TRPC6: variants seen among roughly 807,000 people sequenced by gnomAD.
TRPC6 encodes the protein short transient receptor potential channel 6.
Under a neutral mutation model 90.7 loss-of-function variants are expected in TRPC6, and 55 were observed. The ratio of observed to expected loss-of-function variants is 0.61; its 90% CI spans 0.49 to 0.76. TRPC6 has a LOEUF of 0.76. Ranked by LOEUF, TRPC6 falls within the 30% of genes least tolerant of loss-of-function variation. The pLI, the probability that TRPC6 is intolerant of heterozygous loss-of-function variation, is 0.00. For synonymous variants in TRPC6, 393 were observed against 393.0 expected (o/e 1.00, Z 0.00); for missense variants, 989 against 1,122.7 (o/e 0.88, Z 1.70).
chr11:101,522,716 C>T (rs1483207209), intron 1 of TRPC6, among the ~76,000 whole-genome samples: 6 of 152,028 alleles, frequency 3.9e-5, no homozygotes, highest in Non-Finnish European at 5.9e-5. Context: ...CAAAATATTC[C>T]CAGTGCATAA....
intron 1 of TRPC6, among the ~76,000 whole-genome samples, chr11:101,546,746 A>C (rs1861315992): frequency 6.6e-6 from 1 of 152,204 alleles, no homozygotes; most frequent in African/African-American, 2.4e-5. Context: ...ATGAAATTTA[A>C]CTTCTATTCA....
chr11:101,481,358 C>A (rs141857140), intron 5 of TRPC6, among the ~76,000 whole-genome samples: 30 of 152,268 alleles, frequency 2.0e-4, no homozygotes, highest in Non-Finnish European at 3.7e-4. Context: ...TATGCATAGT[C>A]AGGGCCTTAA....
chr11:101,537,212 C>G (rs879854260), intron 1 of TRPC6, among the ~76,000 whole-genome samples: 7 of 152,206 alleles, frequency 4.6e-5, no homozygotes, highest in Non-Finnish European at 1.0e-4. Context: ...ACATTAACCT[C>G]TTTTATATTA....
intron 1 of TRPC6, among the ~76,000 whole-genome samples, chr11:101,550,090 T>C (rs1383068141): frequency 2.0e-5 from 3 of 151,748 alleles, no homozygotes; most frequent in Admixed American, 2.0e-4. Flanking sequence ...GCTTTGGAAA[T>C]TATTACTGAT....
chr11:101,505,306 G>C (rs868566130), intron 1 of TRPC6, among the ~76,000 whole-genome samples: 13 of 152,246 alleles, frequency 8.5e-5, no homozygotes, highest in Non-Finnish European at 1.5e-4. Context: ...GCTTTTTCCT[G>C]CCTCTACAAG....
intron 1 of TRPC6, among the ~76,000 whole-genome samples, chr11:101,547,654 A>C (rs1452133303): frequency 6.6e-6 from 1 of 152,204 alleles, no homozygotes; most frequent in East Asian, 1.9e-4. Context: ...AGTTATCAGA[A>C]ATTTTGTGTA....
At chr11:101,559,284 A>T (rs61700184) in intron 1 of TRPC6, among the ~76,000 whole-genome samples, 4,463 of 152,284 alleles carry the variant, frequency 0.029, 218 homozygotes, top group African/African-American at 0.088. Context: ...GAGCTAGTCT[A>T]TTCAGTGATT....
At chr11:101,535,129 G>A (rs371085588) in intron 1 of TRPC6, among the ~76,000 whole-genome samples, 4 of 150,976 alleles carry the variant, frequency 2.6e-5, no homozygotes, top group African/African-American at 9.7e-5. Flanking sequence ...TCACACCACT[G>A]TACTCCAGCT....
chr11:101,562,449 T>TC (rs1861734934), intron 1 of TRPC6, among the ~76,000 whole-genome samples: 1 of 152,146 alleles, frequency 6.6e-6, no homozygotes, highest in Non-Finnish European at 1.5e-5. Flanking sequence ...AATCCCATGT[T>TC]TTAAAATTCT....
Position 101,506,652 on chromosome 11 carries a change from C to T in TRPC6, c.171-1854G>A, listed in dbSNP as rs186441768. ...AAGTTTCGAAAATGACATGAAGGGC[C>T]GATATCAAGTTATACAACCTAATAA... On this transcript the variant is annotated intron_variant, in intron 1 of 12. Coordinates refer to ENST00000344327, the MANE Select transcript of TRPC6 (RefSeq NM_004621.6). Among the ~76,000 whole-genome samples, 136 of 151,926 alleles carry T rather than the reference C, an allele frequency of 9.0e-4. 1 individual carries two copies. Among genetic ancestry groups the T allele is most frequent in the Non-Finnish European group, 1.6e-3 (109 of 67,984 alleles).
chr11:101,466,879 C>G (rs1859158994), intron 10 of TRPC6, among the ~76,000 whole-genome samples: 1 of 152,240 alleles, frequency 6.6e-6, no homozygotes, highest in Non-Finnish European at 1.5e-5. Flanking sequence ...ATCTCCTGGT[C>G]TGTGAGTTGC....
intron 12 of TRPC6, among the ~76,000 whole-genome samples, chr11:101,453,338 C>A (rs1858806943): frequency 6.6e-6 from 1 of 152,100 alleles, no homozygotes; most frequent in African/African-American, 2.4e-5. Flanking sequence ...TAAGTTAAAA[C>A]AAAAAGGTGG....
chr11:101,454,830 TA>T (rs1309448882), intron 11 of TRPC6, among the ~76,000 whole-genome samples, 187 bp downstream of exon 11: 1 of 129,038 alleles, frequency 7.7e-6, no homozygotes, highest in Non-Finnish European at 1.6e-5. Flanking sequence ...TCCAATACTT[TA>T]TTTTTTTTAA....
intron 1 of TRPC6, among the ~76,000 whole-genome samples, chr11:101,549,049 C>T (rs115878166): frequency 1.3e-5 from 2 of 151,676 alleles, no homozygotes; most frequent in Non-Finnish European, 2.9e-5. Flanking sequence ...TCAAATATCA[C>T]TTTTTAAAAT....
intron 9 of TRPC6, among the ~76,000 whole-genome samples, chr11:101,470,833 C>T (rs1421685137): frequency 8.0e-6 from 1 of 124,886 alleles, no homozygotes; most frequent in East Asian, 3.0e-4. Flanking sequence ...CGAGTCATAA[C>T]AAGCTGCTGC....
chr11:101,558,182 T>G (rs972118327), intron 1 of TRPC6, among the ~76,000 whole-genome samples: 1 of 144,808 alleles, frequency 6.9e-6, no homozygotes, highest in Non-Finnish European at 1.5e-5. Flanking sequence ...CAAATATATA[T>G]AAACATACAT....
chr11:101,496,626 A>G (rs1204539873), intron 2 of TRPC6, among the ~76,000 whole-genome samples: 11 of 152,216 alleles, frequency 7.2e-5, no homozygotes, highest in African/African-American at 2.7e-4. Flanking sequence ...TTGGTTATAT[A>G]CACTTAGTAT....
intron 6 of TRPC6, among the ~76,000 whole-genome samples, chr11:101,475,716 G>T (rs566782304): frequency 6.6e-6 from 1 of 152,084 alleles, no homozygotes; most frequent in South Asian, 2.1e-4. Context: ...AAATAAGTAA[G>T]ATCATATACC....
intron 1 of TRPC6, among the ~76,000 whole-genome samples, chr11:101,536,786 A>C (rs1364677047): frequency 2.6e-5 from 4 of 152,148 alleles, no homozygotes; most frequent in African/African-American, 7.2e-5. Flanking sequence ...GATGTCATTG[A>C]TGAGTTTAAA....
Sources: allele counts gnomAD v4.1 joint callset (sites outside exome capture counted in the v4.1 genomes callset), GRCh38; gene constraint gnomAD v4.1.1; transcripts MANE v1.5; gene names NCBI Gene and HGNC (gene_info 2026-07-23, HGNC 2026-07-21).